Variants in DUOX2 observed in about 807,000 individuals in gnomAD.
DUOX2 encodes NADH/NADPH thyroid oxidase p138-tox.
A neutral mutation model predicts 183.3 loss-of-function variants in DUOX2; 185 were observed. That is an observed-to-expected ratio of 1.01 (90% CI 0.90 to 1.14). The LOEUF (loss-of-function observed/expected upper bound fraction) is 1.14. Among genes scored for constraint, DUOX2 ranks in the 50% most tolerant of loss-of-function variants. The pLI is 0.00. For synonymous variants in DUOX2, 788 were observed against 812.4 expected, an observed-to-expected ratio of 0.97 and a Z score of 0.51; for missense variants, 1,999 against 2,022.9, an observed-to-expected ratio of 0.99 and a Z score of 0.23.
chr15:45,111,674 G>T (rs1351010124), intron 5 of DUOX2, 89 bp from the exon 6 acceptor site: 4 of 1,445,044 alleles, frequency 2.8e-6, no homozygotes. Flanking sequence ...CGGCTGGGGA[G>T]TGGGCGCCTC....
chr15:45,100,261 TA>T, intron 23 of DUOX2, 33 bp from the exon 24 acceptor site: 1 of 1,603,006 alleles, frequency 6.2e-7, no homozygotes, highest in Non-Finnish European at 8.5e-7. Flanking sequence ...AGCAGTGTGG[TA>T]AGGGCCCTCT....
At chr15:45,095,309 C>T in intron 31 of DUOX2, 128 bp downstream of exon 31, 1 of 1,488,922 alleles carries the variant, frequency 6.7e-7, no homozygotes, top group Non-Finnish European at 9.3e-7. Flanking sequence ...ATCTCAACCA[C>T]TGGGTAAGAA....
At position 45,109,391 on chromosome 15, in the gene DUOX2, A is replaced by T; in HGVS notation, c.1234+133T>A. On this transcript the variant is annotated intron_variant, in intron 11 of 33. Transcript: ENST00000389039. ...AAAGTTCAAAGTTCATTTTCTTCTT[A>T]TGGCTCCTTGAAGTCTGTGTTTGTA... The T allele has an allele frequency of 8.2e-6, 6 of 730,772 alleles. 1 individual carries two copies. The highest frequency in any genetic ancestry group is 7.8e-5 in the South Asian group (5 of 64,012). The allele number at this position is 730,772 out of a possible 1,614,324, so 45.3% of individuals were successfully genotyped here. A position where few individuals can be genotyped will look rare whatever the true frequency, so the allele number is the denominator to read the frequency against.
chr15:45,109,472 TC>T, intron 11 of DUOX2, 51 bp downstream of exon 11: 1 of 1,537,520 alleles, frequency 6.5e-7, no homozygotes, highest in South Asian at 1.1e-5. Context: ...CCCAGAGGGA[TC>T]CTCAGGCTTC....
At chr15:45,103,932 C>T in intron 20 of DUOX2, 28 bp downstream of exon 20, 1 of 1,612,900 alleles carries the variant, frequency 6.2e-7, no homozygotes, top group Non-Finnish European at 8.5e-7. Flanking sequence ...ACCAGGAAGT[C>T]TCAGGATTAG....
chr15:45,107,844 C>T (rs1230930155), intron 13 of DUOX2, among the ~76,000 whole-genome samples: 10 of 71,048 alleles, frequency 1.4e-4, no homozygotes, highest in East Asian at 1.0e-3. Flanking sequence ...AAGCTAGACT[C>T]TGCCTCAAAA....
In DUOX2 at chr15:45,101,935, C is replaced by T; in HGVS notation, c.2709G>A (p.Val903=). ...CCGACTCCCGGAACATAGACTCCACCACCTCGGCCAGCTGGGCCTTGGACA... is the reference window on the plus strand; with the variant it reads ...CCGACTCCCGGAACATAGACTCCACTACCTCGGCCAGCTGGGCCTTGGACA... ...NCLSKAQLAE[V]VESMFRESGF... Residue 903 remains valine, a synonymous_variant, in exon 21 of 34, where the codon GTG becomes GTA. Transcript: ENST00000389039. The T allele has an allele frequency of 1.2e-6, 2 of 1,614,220 alleles. No individual in the cohort carries two copies. Among genetic ancestry groups the T allele is most frequent in the Non-Finnish European group, 1.7e-6 (2 of 1,180,042 alleles).
rs1422421937 is a variant in DUOX2 at position 45,108,958 on chromosome 15, G to A, written c.1235-6C>T. Reference sequence around the variant, plus strand: ...GCCAGGGCCAGGCCAGTAATCTGAAGAGGAGAGAAGACTAGACTATGGGCT... The same window carrying A: ...GCCAGGGCCAGGCCAGTAATCTGAAAAGGAGAGAAGACTAGACTATGGGCT... On this transcript the variant is annotated splice_polypyrimidine_tract_variant and splice_region_variant and intron_variant, in intron 11 of 33. Coordinates refer to ENST00000389039, the MANE Select transcript of DUOX2 (RefSeq NM_001363711.2). 2.5e-6 allele frequency: 4 copies of A among 1,614,180 alleles called. No homozygotes were observed. Among genetic ancestry groups the A allele is most frequent in the Middle Eastern group, 1.7e-4 (1 of 6,012 alleles).
Position 45,114,146 on chromosome 15 carries a change from C to T in DUOX2, c.-188G>A, listed in dbSNP as rs1366733148. Reference sequence around the variant, plus strand: ...CTTGGTCTCGCCACTGTGCAGGTGTCGGCTCAGGACAGACCTGCGCCAGTG... The same window carrying T: ...CTTGGTCTCGCCACTGTGCAGGTGTTGGCTCAGGACAGACCTGCGCCAGTG... On this transcript the variant is annotated 5_prime_UTR_variant, in exon 1 of 34. Transcript: ENST00000389039. 8.0e-6 allele frequency: 2 copies of T among 249,778 alleles called. No individual in the cohort carries two copies. The highest frequency in any genetic ancestry group is 4.5e-5 in the African/African-American group (2 of 44,766). 15.5% of individuals were successfully genotyped at this position (249,778 alleles called of 1,614,324 possible).
rs1328924162 is a variant in DUOX2, at chr15:45,106,830, A to C, written c.1831+2T>G. On this transcript the variant is annotated splice_donor_variant, in intron 15 of 33. Transcript: ENST00000389039. LOFTEE classifies it high-confidence loss of function. ...CTGCAGAGAGGCTGCCTAAGAGCTC[A>C]CCTAAGGGAAGGCAGCAGAGAGCAA... is the stretch of plus-strand genomic sequence containing the variant. The C allele has an allele frequency of 2.9e-5, 46 of 1,596,596 alleles. No individual in the cohort carries two copies. Among genetic ancestry groups the C allele is most frequent in the Non-Finnish European group, 3.9e-5 (46 of 1,172,370 alleles).
intron 23 of DUOX2, 124 bp from the exon 24 acceptor site, chr15:45,100,352 A>T (rs1894048645): frequency 2.2e-6 from 2 of 904,748 alleles, no homozygotes; most frequent in Non-Finnish European, 3.3e-6. Context: ...AGATGAATGG[A>T]AAAAAGCAAT....
Position 45,101,831 on chromosome 15 carries a change from G to C in DUOX2, c.2813C>G (p.Thr938Arg). 6.2e-7 allele frequency: 1 copy of C among 1,614,192 alleles called. No homozygotes were observed. Among genetic ancestry groups the C allele is most frequent in the Non-Finnish European group, 8.5e-7 (1 of 1,180,038 alleles). Residue 938 changes from threonine (T) to arginine (R), a missense_variant, in exon 21 of 34, where the codon ACG becomes AGG. By Grantham distance (71) the Thr-to-Arg change is moderately conservative. This residue lies in a region of DUOX2 where 1,628 missense variants were observed against 1,608.6 expected (regional missense o/e 1.01). Transcript: ENST00000389039. ...ACCTCCACCTTTGACACAGAGCTGCGTGAAGCGGAGCTCGCTGTCATGGTC... is the reference window on the plus strand; with the variant it reads ...ACCTCCACCTTTGACACAGAGCTGCCTGAAGCGGAGCTCGCTGTCATGGTC... ...LRDHDSELRFTQLCVKGGGGG... is the reference protein window; with the variant it reads ...LRDHDSELRFRQLCVKGGGGG...
chr15:45,112,012 G>T, intron 4 of DUOX2, 57 bp from the exon 5 acceptor site: 1 of 1,587,204 alleles, frequency 6.3e-7, no homozygotes, highest in Non-Finnish European at 8.6e-7. Context: ...CCTCCCCACG[G>T]CCAGGGCGGC....
intron 15 of DUOX2, 56 bp downstream of exon 15, chr15:45,106,776 G>A: frequency 6.3e-7 from 1 of 1,599,310 alleles, no homozygotes; most frequent in Non-Finnish European, 8.5e-7. Flanking sequence ...AGCCCCTCAG[G>A]CCAGCAGGAA....
chr15:45,104,432 G>A, intron 18 of DUOX2, 67 bp from the exon 19 acceptor site: 1 of 1,566,196 alleles, frequency 6.4e-7, no homozygotes, highest in South Asian at 1.2e-5. Context: ...AAGCAGTTCA[G>A]TGACCCTTCA....
chr15:45,095,351 G>C, intron 31 of DUOX2, 86 bp downstream of exon 31: 1 of 1,580,814 alleles, frequency 6.3e-7, no homozygotes, highest in Non-Finnish European at 8.7e-7. Context: ...CTGGAGCCAG[G>C]AGCTTTCTCT....
chr15:45,108,193 G>T lies in DUOX2; in HGVS notation c.1428C>A (p.Asn476Lys), dbSNP rs199918362. The change falls in exon 13 of 34, where the codon AAC (asparagine) becomes AAA (lysine). Residue 476 changes from asparagine to lysine, a missense_variant. This residue lies in a region of DUOX2 where 1,628 missense variants were observed against 1,608.6 expected (regional missense o/e 1.01). Transcript: ENST00000389039. ...QVLEATAALYNQDLSQLELLL... is the reference protein window; with the variant it reads ...QVLEATAALYKQDLSQLELLL... The stretch of plus-strand genomic sequence containing the variant: ...GCAGCTCTAGCTGGGATAGGTCCTG[G>T]TTGTACAGGGCAGCTGTGGCCTCCA... 7.0e-5 allele frequency: 113 copies of T among 1,614,200 alleles called. 2 individuals are homozygous for T. In the East Asian group the frequency reaches 2.4e-3, roughly 34 times the overall value.
rs977245921 is a variant in DUOX2, at chr15:45,099,156, G to T, written c.3515+227C>A. The T allele has an allele frequency of 4.8e-5, 20 of 421,052 alleles. No homozygotes were observed. The Admixed American group carries it at 6.7e-4, about 14-fold the overall frequency. The allele number at this position is 421,052 out of a possible 1,614,324, so 26.1% of individuals were successfully genotyped here. A position where few individuals can be genotyped will look rare whatever the true frequency, so the allele number is the denominator to read the frequency against. Reference sequence around the variant, plus strand: ...CTCCCGAGTAGCTGGGATTACAGGCGCCCACCACCACGCCCGGCTAATTTT... The same window carrying T: ...CTCCCGAGTAGCTGGGATTACAGGCTCCCACCACCACGCCCGGCTAATTTT... On this transcript the variant is annotated intron_variant, in intron 26 of 33. Transcript: ENST00000389039.
rs1378137988 is a variant in DUOX2 at position 45,111,527 on chromosome 15, C to T, written c.572G>A (p.Trp191Ter). 1 of 1,555,344 alleles carries T rather than the reference C, an allele frequency of 6.4e-7. No homozygotes were observed. The highest frequency in any genetic ancestry group is 8.7e-7 in the Non-Finnish European group (1 of 1,153,566). The change falls in exon 6 of 34, where the codon TGG becomes TAG. Residue 191 changes from tryptophan to a stop codon, truncating the protein, a stop_gained. Coordinates refer to ENST00000389039, the MANE Select transcript of DUOX2 (RefSeq NM_001363711.2). LOFTEE classifies it high-confidence loss of function. ...CGAGAAGCTCCGCAGCGCGTCGCTC[C>T]AGGAGTGCGAGGAGCCATAGATGGC... ...GSAIYGSSHS[W>*]SDALRSFSGG...
Sources: gnomAD v4.1 joint callset for allele counts (sites outside exome capture counted in the v4.1 genomes callset) on GRCh38, gnomAD v4.1.1 for gene constraint, gnomAD v4.1.1 regional missense constraint, MANE v1.5 for transcripts, NCBI Gene and HGNC (gene_info 2026-07-23, HGNC 2026-07-21) for gene names.